Variants in PPM1D observed in about 807,000 individuals in gnomAD.
PPM1D encodes protein phosphatase, Mg2+/Mn2+ dependent 1D, also known as protein phosphatase 1D.
PPM1D carries 52 observed loss-of-function variants against 58.3 expected under a neutral mutation model. That is an observed-to-expected ratio of 0.89 (90% CI 0.71 to 1.12). PPM1D has a LOEUF of 1.12. Among genes scored for constraint, PPM1D ranks in the 50% most tolerant of loss-of-function variants. The pLI, the probability that PPM1D is intolerant of heterozygous loss-of-function variation, is 0.00. For synonymous variants in PPM1D, 278 were observed against 285.1 expected, an observed-to-expected ratio of 0.98 and a Z score of 0.25; for missense variants, 564 against 777.2, an observed-to-expected ratio of 0.73 and a Z score of 3.26.
intron 1 of PPM1D, among the ~76,000 whole-genome samples, chr17:60,609,969 C>T (rs1358135806): frequency 6.6e-6 from 1 of 152,016 alleles, no homozygotes; most frequent in Non-Finnish European, 1.5e-5. Flanking sequence ...ATCATGAGGT[C>T]AGGAGATCAA....
rs530520661 is a variant in PPM1D, at chr17:60,664,674, G to C, written c.*1122G>C. The stretch of plus-strand genomic sequence containing the variant: ...AGCATTTCCTTTGAGCATCATGCCT[G>C]CTCTGAAAAAGTTTCTGATTCTGGA... On this transcript the variant is annotated 3_prime_UTR_variant, in exon 6 of 6. Coordinates refer to ENST00000305921, the MANE Select transcript of PPM1D (RefSeq NM_003620.4). 1 of 152,200 alleles carries C rather than the reference G, an allele frequency of 6.6e-6. No individual in the cohort carries two copies. Among genetic ancestry groups the C allele is most frequent in the Non-Finnish European group, 1.5e-5 (1 of 68,048 alleles). 9.4% of individuals were successfully genotyped at this position (152,200 alleles called of 1,614,324 possible).
At chr17:60,644,897 C>CA (rs1401435701) in intron 3 of PPM1D, among the ~76,000 whole-genome samples, 1 of 152,134 alleles carries the variant, frequency 6.6e-6, no homozygotes, top group African/African-American at 2.4e-5. Context: ...ATAATTGTAA[C>CA]AAACTGTGTT....
At chr17:60,628,185 A>T (rs1414342483) in intron 2 of PPM1D, among the ~76,000 whole-genome samples, 1 of 152,194 alleles carries the variant, frequency 6.6e-6, no homozygotes, top group Non-Finnish European at 1.5e-5. Context: ...TGCATAATTT[A>T]AAAAAATTAA....
intron 2 of PPM1D, among the ~76,000 whole-genome samples, chr17:60,628,740 A>G (rs572654362): frequency 1.3e-5 from 2 of 152,192 alleles, no homozygotes; most frequent in South Asian, 2.1e-4. Context: ...CAGCCTCTCA[A>G]AAAACTCCAC....
At chr17:60,621,266 C>A (rs1388704903) in intron 1 of PPM1D, among the ~76,000 whole-genome samples, 17 of 152,202 alleles carry the variant, frequency 1.1e-4, no homozygotes, top group Non-Finnish European at 2.5e-4. Context: ...AGTTTTTAAT[C>A]ACTTTCCAGT....
At chr17:60,645,618 ATATATG>A (rs1228702695) in intron 3 of PPM1D, among the ~76,000 whole-genome samples, 40 of 140,784 alleles carry the variant, frequency 2.8e-4, no homozygotes, top group East Asian at 2.2e-3. Context: ...GTGTGTATAT[ATATATG>A]TATATGTATA....
intron 3 of PPM1D, among the ~76,000 whole-genome samples, chr17:60,635,221 GT>G (rs556592505): frequency 5.0e-4 from 72 of 143,920 alleles, no homozygotes; most frequent in Admixed American, 7.0e-4. Flanking sequence ...CATATGGGTT[GT>G]TTTTTTTTTT....
At chr17:60,654,479 G>A (rs554744735) in intron 4 of PPM1D, among the ~76,000 whole-genome samples, 1 of 130,444 alleles carries the variant, frequency 7.7e-6, no homozygotes, top group African/African-American at 2.9e-5. Context: ...ATTCCAGCCT[G>A]GGTGACAGAG....
At chr17:60,658,137 G>A (rs1454697630) in intron 5 of PPM1D, among the ~76,000 whole-genome samples, 2 of 152,176 alleles carry the variant, frequency 1.3e-5, no homozygotes, top group African/African-American at 4.8e-5. Flanking sequence ...AGCTGTGAAA[G>A]AGCTTATGTT....
intron 3 of PPM1D, 83 bp downstream of exon 3, chr17:60,634,060 C>A: frequency 1.4e-6 from 2 of 1,478,654 alleles, no homozygotes; most frequent in Admixed American, 1.9e-5. Flanking sequence ...CAGAACTAAA[C>A]CCTTACTTGG....
intron 3 of PPM1D, among the ~76,000 whole-genome samples, chr17:60,635,261 G>A (rs1239717001): frequency 6.6e-6 from 1 of 151,392 alleles, no homozygotes; most frequent in African/African-American, 2.4e-5. Flanking sequence ...TGTTCCCCAG[G>A]CTGGAGTGCA....
Position 60,604,524 on chromosome 17 carries a change from A to C in PPM1D, c.472+3638A>C, listed in dbSNP as rs772468211. On this transcript the variant is annotated intron_variant, in intron 1 of 5. Transcript: ENST00000305921. ...GTATGTAACAAAAGCCTGTTTATGT[A>C]GTCTCCTTTTTGTCATATAGAATAT... The C allele has an allele frequency of 6.6e-5, 10 of 152,342 alleles. No homozygotes were observed. In the East Asian group the frequency reaches 1.9e-3, roughly 29 times the overall value. The allele number at this position is 152,342 out of a possible 1,614,324, so 9.4% of individuals were successfully genotyped here. A position where few individuals can be genotyped will look rare whatever the true frequency, so the allele number is the denominator to read the frequency against.
chr17:60,651,587 G>A (rs1029292724), intron 4 of PPM1D, among the ~76,000 whole-genome samples: 9 of 151,698 alleles, frequency 5.9e-5, no homozygotes, highest in African/African-American at 9.7e-5. Flanking sequence ...TAGTAGAGAC[G>A]GGGTTTCACC....
intron 5 of PPM1D, among the ~76,000 whole-genome samples, 159 bp from the exon 6 acceptor site, chr17:60,662,836 T>C (rs1319419410): frequency 1.3e-5 from 2 of 152,232 alleles, no homozygotes; most frequent in African/African-American, 4.8e-5. Context: ...CATTAAACCT[T>C]AACACATAGT....
At chr17:60,610,522 T>G (rs767739174) in intron 1 of PPM1D, among the ~76,000 whole-genome samples, 3 of 152,230 alleles carry the variant, frequency 2.0e-5, no homozygotes, top group Non-Finnish European at 4.4e-5. Context: ...TGTCTTTGGT[T>G]GTTCTTCAAA....
chr17:60,663,325 C>T lies in PPM1D; in HGVS notation c.1591C>T (p.Pro531Ser). ...AGCCCAAGAAATTGAAAGAACCCCT[C>T]CAACAAACTTTAAAAGGACATTAGA... is the stretch of plus-strand genomic sequence containing the variant. ...MKAQEIERTP[P>S]TNFKRTLEES... The change falls in exon 6 of 6, where the codon CCA becomes TCA. Residue 531 changes from proline to serine, a missense_variant. By Grantham distance (74) the Pro-to-Ser change is moderately conservative. Coordinates refer to ENST00000305921, the MANE Select transcript of PPM1D (RefSeq NM_003620.4). The T allele has an allele frequency of 6.2e-7, 1 of 1,614,172 alleles. No individual in the cohort carries two copies. The highest frequency in any genetic ancestry group is 1.1e-5 in the South Asian group (1 of 91,088).
At position 60,600,239 on chromosome 17, in the gene PPM1D, C is replaced by A. The variant is rs1364659543; in HGVS notation, c.-176C>A. The A allele has an allele frequency of 2.3e-6, 3 of 1,296,470 alleles. No individual in the cohort carries two copies. The highest frequency in any genetic ancestry group is 2.0e-6 in the Non-Finnish European group (2 of 978,626). 80.3% of individuals were successfully genotyped at this position (1,296,470 alleles called of 1,614,324 possible). A position where few individuals can be genotyped will look rare whatever the true frequency, so the allele number is the denominator to read the frequency against. On this transcript the variant is annotated 5_prime_UTR_variant, in exon 1 of 6. Transcript: ENST00000305921. ...GGCTCTGCTCGCTCCGGCGCTCCGG[C>A]CCAGCTCTCGCGGACAAGTCCAGAC...
At chr17:60,608,259 C>G (rs2030374741) in intron 1 of PPM1D, among the ~76,000 whole-genome samples, 1 of 152,122 alleles carries the variant, frequency 6.6e-6, no homozygotes, top group African/African-American at 2.4e-5. Flanking sequence ...TCATTAGTTT[C>G]TACATTATGC....
chr17:60,602,990 A>G (rs902173604), intron 1 of PPM1D, among the ~76,000 whole-genome samples: 2 of 152,148 alleles, frequency 1.3e-5, no homozygotes, highest in African/African-American at 4.8e-5. Flanking sequence ...TTTCCATTAC[A>G]TTAGTCTCTA....
Sources: allele counts gnomAD v4.1 joint callset (sites outside exome capture counted in the v4.1 genomes callset), GRCh38; gene constraint gnomAD v4.1.1; transcripts MANE v1.5; gene names NCBI Gene and HGNC (gene_info 2026-07-23, HGNC 2026-07-21).